Variants in CFAP65 observed in about 807,000 individuals in gnomAD.
CFAP65 encodes the protein cilia- and flagella-associated protein 65.
Under a neutral mutation model 208.0 loss-of-function variants are expected in CFAP65, and 155 were observed. The ratio of observed to expected loss-of-function variants is 0.75; its 90% CI spans 0.65 to 0.85. The LOEUF (loss-of-function observed/expected upper bound fraction) is 0.85. Among genes scored for constraint, CFAP65 ranks in the 40% least tolerant of loss-of-function variants. The pLI, the probability that CFAP65 is intolerant of heterozygous loss-of-function variation, is 0.00. For missense variants in CFAP65, 2,294 were observed against 2,451.3 expected, an observed-to-expected ratio of 0.94 and a Z score of 1.36; for synonymous variants, 970 against 986.3, an observed-to-expected ratio of 0.98 and a Z score of 0.31.
intron 11 of CFAP65, among the ~76,000 whole-genome samples, chr2:219,028,629 G>A (rs1402054570): frequency 6.6e-6 from 1 of 152,094 alleles, no homozygotes; most frequent in East Asian, 1.9e-4. Flanking sequence ...AGGACACTCA[G>A]CCATTACCCA....
chr2:219,035,973 A>C (rs919579835), intron 4 of CFAP65, among the ~76,000 whole-genome samples: 2 of 152,110 alleles, frequency 1.3e-5, no homozygotes, highest in Non-Finnish European at 2.9e-5. Context: ...ACACAAATGC[A>C]GGCTTCTGTT....
At chr2:219,012,019 C>T (rs1029678632) in intron 24 of CFAP65, among the ~76,000 whole-genome samples, 1 of 152,236 alleles carries the variant, frequency 6.6e-6, no homozygotes, top group Admixed American at 6.5e-5. Context: ...TTGTTTGCTC[C>T]CTCCACCATG....
At chr2:219,021,415 C>T in intron 18 of CFAP65, 135 bp from the exon 19 acceptor site, 1 of 1,104,992 alleles carries the variant, frequency 9.0e-7, no homozygotes. Context: ...AGTGGAGCCC[C>T]TCCTCCCAGC....
At chr2:219,019,230 G>A (rs755883772) in intron 20 of CFAP65, 51 bp from the exon 21 acceptor site, 2 of 1,553,020 alleles carry the variant, frequency 1.3e-6, no homozygotes, top group South Asian at 1.2e-5. Context: ...GCCAGGGCAG[G>A]GCCCTCCCAG....
intron 28 of CFAP65, 61 bp downstream of exon 28, chr2:219,009,286 C>A (rs1946260134): frequency 1.4e-6 from 2 of 1,470,440 alleles, no homozygotes. Context: ...GCCCATCACA[C>A]CCCACCCCAG....
At chr2:219,025,941 G>C in intron 14 of CFAP65, 81 bp downstream of exon 14, 1 of 1,535,910 alleles carries the variant, frequency 6.5e-7, no homozygotes. Flanking sequence ...GGCCATCAGA[G>C]AATGGGAGAG....
intron 32 of CFAP65, 117 bp downstream of exon 32, chr2:219,005,317 T>A (rs1945886614): frequency 2.1e-6 from 3 of 1,396,986 alleles, no homozygotes; most frequent in Admixed American, 3.5e-5. Flanking sequence ...AGAACCTCCA[T>A]GCCCCACCAA....
At chr2:219,011,903 A>G (rs2106110655) in intron 24 of CFAP65, among the ~76,000 whole-genome samples, 1 of 152,354 alleles carries the variant, frequency 6.6e-6, no homozygotes, top group African/African-American at 2.4e-5. Flanking sequence ...TTGAAACCTA[A>G]TCCTCAATAC....
At chr2:219,008,520 A>G (rs1391979298) in intron 29 of CFAP65, among the ~76,000 whole-genome samples, 1 of 152,178 alleles carries the variant, frequency 6.6e-6, no homozygotes, top group Non-Finnish European at 1.5e-5. Context: ...CGAGGTGGTC[A>G]GATCACCTAA....
In CFAP65 at chr2:219,031,719, C is replaced by T. The variant is rs972567252; in HGVS notation, c.646-61G>A. ...CAGTGGCATTCAGGGACTGCACATC[C>T]CGCCCACCCTCAGCCACCCCCAACA... On this transcript the variant is annotated intron_variant, in intron 6 of 34. Coordinates refer to ENST00000341552, the MANE Select transcript of CFAP65 (RefSeq NM_194302.4). This position sits in a 1 kb window ranked among gnomAD's most constrained non-coding sequence, Gnocchi z 5.2. 3.9e-6 allele frequency: 6 copies of T among 1,539,400 alleles called. No individual in the cohort carries two copies. Among genetic ancestry groups the T allele is most frequent in the South Asian group, 1.3e-5 (1 of 79,004 alleles).
In CFAP65 at chr2:219,031,536, A is replaced by G. The variant is rs1948035690; in HGVS notation, c.768T>C (p.Cys256=). Reference sequence around the variant, plus strand: ...AGGCCTCAGTCGTATCTCCCACAGCACACATGGGCAGCTGCAGGGATGGTG... The same window carrying G: ...AGGCCTCAGTCGTATCTCCCACAGCGCACATGGGCAGCTGCAGGGATGGTG... ...CRPPSLQLPM[C]AVGDTTEAFF... The change falls in exon 7 of 35, where the codon TGT becomes TGC. Residue 256 remains cysteine (C), a synonymous_variant. Coordinates refer to ENST00000341552, the MANE Select transcript of CFAP65 (RefSeq NM_194302.4). The surrounding 1 kb of genome is among the most constrained non-coding windows in gnomAD (Gnocchi z 5.2). The G allele has an allele frequency of 1.9e-6, 3 of 1,614,038 alleles. No homozygotes were observed. Among genetic ancestry groups the G allele is most frequent in the Non-Finnish European group, 2.5e-6 (3 of 1,180,018 alleles).
chr2:219,012,550 G>A (rs1239356047), intron 24 of CFAP65, among the ~76,000 whole-genome samples: 1 of 152,198 alleles, frequency 6.6e-6, no homozygotes, highest in Non-Finnish European at 1.5e-5. Context: ...GAAACACATG[G>A]GCTTCTAAAT....
At position 219,020,722 on chromosome 2, in the gene CFAP65, G is replaced by A. The variant is rs184571005; in HGVS notation, c.3259+430C>T. On this transcript the variant is annotated intron_variant, in intron 19 of 34. Coordinates refer to ENST00000341552, the MANE Select transcript of CFAP65 (RefSeq NM_194302.4). Reference sequence around the variant, plus strand: ...ACATGTGGAAACTGAGCACAGGGAGGTGAAGCAACTCGTTAAGGTTACAAG... The same window carrying A: ...ACATGTGGAAACTGAGCACAGGGAGATGAAGCAACTCGTTAAGGTTACAAG... Among the ~76,000 whole-genome samples the A allele has an allele frequency of 8.2e-4, 125 of 152,310 alleles. 1 individual carries two copies. The highest frequency in any genetic ancestry group is 3.5e-3 in the Admixed American group (53 of 15,292).
Position 219,028,349 on chromosome 2 carries a change from G to A in CFAP65, c.1703C>T (p.Pro568Leu). 1.9e-6 allele frequency: 3 copies of A among 1,613,928 alleles called. No individual in the cohort carries two copies. The highest frequency in any genetic ancestry group is 1.7e-6 in the Non-Finnish European group (2 of 1,179,990). ...MGTCHSDSTK[P>L]AILKPQHLTW... The stretch of plus-strand genomic sequence containing the variant: ...GAGGTGCTGAGGCTTCAGGATGGCT[G>A]GCTTGGTGCTGTCCGAGTGGCAGGT... The change falls in exon 12 of 35, where the codon CCA becomes CTA. Residue 568 changes from proline (P) to leucine (L), a missense_variant. Physicochemically the swap from Pro to Leu is moderately conservative, Grantham distance 98. This residue lies in a region of CFAP65 where 867 missense variants were observed against 1,012.6 expected (regional missense o/e 0.86). Coordinates refer to ENST00000341552, the MANE Select transcript of CFAP65 (RefSeq NM_194302.4).
chr2:219,004,100 C>A lies in CFAP65; in HGVS notation c.5407G>T (p.Asp1803Tyr). ...CAGCTCACTTTCTCTTCCTTCTCAT[C>A]CCTCTCCTCCTCCTTCTCCTCTATC... ...EEIEEKEEER[D>Y]EKEEKVSWAG... is the part of the protein sequence containing the mutation. Residue 1803 changes from aspartate to tyrosine, a missense_variant, in exon 33 of 35, where the codon GAT (aspartate) becomes TAT (tyrosine). Physicochemically the swap from Asp to Tyr is radical, Grantham distance 160. This residue lies in a region of CFAP65 where 1,427 missense variants were observed against 1,438.7 expected (regional missense o/e 0.99). Coordinates refer to ENST00000341552, the MANE Select transcript of CFAP65 (RefSeq NM_194302.4). This position sits in a 1 kb window ranked among gnomAD's most constrained non-coding sequence, Gnocchi z 4.7. The A allele has an allele frequency of 6.2e-7, 1 of 1,613,852 alleles. No homozygotes were observed.
chr2:219,010,595 G>C lies in CFAP65; in HGVS notation c.4259C>G (p.Ser1420Cys). Reference sequence around the variant, plus strand: ...GTGTATGGAACTGTTGTCCCACGAGGAGATGTTGTGGAATGGGGCTGTGTC... The same window carrying C: ...GTGTATGGAACTGTTGTCCCACGAGCAGATGTTGTGGAATGGGGCTGTGTC... Reference protein sequence around the residue: ...MGDTAPFHNISSWDNSSIHSR... With the variant: ...MGDTAPFHNICSWDNSSIHSR... The change falls in exon 26 of 35, where the codon TCC (serine) becomes TGC (cysteine). Residue 1420 changes from serine (S) to cysteine (C), a missense_variant. By Grantham distance (112) the Ser-to-Cys change is moderately radical. Transcript: ENST00000341552. 6.2e-7 allele frequency: 1 copy of C among 1,611,920 alleles called. No homozygotes were observed. Among genetic ancestry groups the C allele is most frequent in the Non-Finnish European group, 8.5e-7 (1 of 1,179,704 alleles).
At position 219,031,569 on chromosome 2, in the gene CFAP65, G is replaced by A. The variant is rs1373773209; in HGVS notation, c.735C>T (p.Ile245=). 4 of 1,614,242 alleles carry A rather than the reference G, an allele frequency of 2.5e-6. No individual in the cohort carries two copies. The highest frequency in any genetic ancestry group is 3.4e-6 in the Non-Finnish European group (4 of 1,180,036). ...GCAGCTGCAGGGATGGTGGGCGGCA[G>A]ATCAGCCTGTGGCAGGGCAGGGTGG... ...LRATLPCHRL[I]CRPPSLQLPM... Residue 245 remains isoleucine, a synonymous_variant, in exon 7 of 35, where the codon ATC becomes ATT. Coordinates refer to ENST00000341552, the MANE Select transcript of CFAP65 (RefSeq NM_194302.4). The surrounding 1 kb of genome is among the most constrained non-coding windows in gnomAD (Gnocchi z 5.2).
At chr2:219,026,681 T>G in intron 13 of CFAP65, 1 of 554,432 alleles carries the variant, frequency 1.8e-6, no homozygotes, top group South Asian at 7.9e-5. Flanking sequence ...AGGGTGCATT[T>G]TACACTCACG....
At position 219,003,387 on chromosome 2, in the gene CFAP65, C is replaced by T; in HGVS notation, c.5556-115G>A. 7.9e-7 allele frequency: 1 copy of T among 1,259,830 alleles called. No homozygotes were observed. The highest frequency in any genetic ancestry group is 1.5e-5 in the African/African-American group (1 of 65,750). 78.0% of individuals were successfully genotyped at this position (1,259,830 alleles called of 1,614,324 possible). On this transcript the variant is annotated intron_variant, in intron 33 of 34. Coordinates refer to ENST00000341552, the MANE Select transcript of CFAP65 (RefSeq NM_194302.4). This position sits in a 1 kb window ranked among gnomAD's most constrained non-coding sequence, Gnocchi z 4.4. The stretch of plus-strand genomic sequence containing the variant: ...CTCTACGGAGATTCCCATTCGACTC[C>T]CCTCATCCACTACACTATGGGGCAT...
Sources: gnomAD v4.1 joint callset for allele counts (sites outside exome capture counted in the v4.1 genomes callset) on GRCh38, gnomAD v4.1.1 for gene constraint, gnomAD v4.1.1 regional missense constraint, Gnocchi (gnomAD v3.1) non-coding constraint, MANE v1.5 for transcripts, NCBI Gene and HGNC (gene_info 2026-07-23, HGNC 2026-07-21) for gene names.